Variants in MTHFD1L observed in about 807,000 individuals in gnomAD.
MTHFD1L encodes methylenetetrahydrofolate dehydrogenase (NADP+ dependent) 1 like.
MTHFD1L carries 81 observed loss-of-function variants against 119.5 expected under a neutral mutation model. The observed-to-expected ratio is 0.68, with a 90% confidence interval of 0.57 to 0.82. MTHFD1L has a LOEUF of 0.82. Ranked by LOEUF, MTHFD1L falls within the 40% of genes least tolerant of loss-of-function variation. MTHFD1L has a pLI of 0.00. For synonymous variants in MTHFD1L, 430 were observed against 475.2 expected (o/e 0.90, Z 1.24); for missense variants, 1,125 against 1,253.4 (o/e 0.90, Z 1.55).
At chr6:150,947,424 A>G (rs557720197) in intron 15 of MTHFD1L, among the ~76,000 whole-genome samples, 17 of 151,624 alleles carry the variant, frequency 1.1e-4, no homozygotes, top group Non-Finnish European at 2.5e-4. Flanking sequence ...TGTTTTATTT[A>G]CACAAAATAA....
At chr6:150,894,355 GGA>G (rs1182708272) in intron 7 of MTHFD1L, among the ~76,000 whole-genome samples, 1 of 152,174 alleles carries the variant, frequency 6.6e-6, no homozygotes, top group African/African-American at 2.4e-5. Flanking sequence ...GGTGGGGGAA[GGA>G]GAGAGTGTCT....
chr6:150,866,312 A>C, intron 1 of MTHFD1L: 1 of 1,466,222 alleles, frequency 6.8e-7, no homozygotes, highest in Non-Finnish European at 9.0e-7. Flanking sequence ...GCCTAGCGGC[A>C]TGGACCGCAC....
intron 10 of MTHFD1L, among the ~76,000 whole-genome samples, chr6:150,923,517 A>G (rs1277703684): frequency 2.3e-5 from 2 of 86,730 alleles, no homozygotes; most frequent in Non-Finnish European, 4.3e-5. Flanking sequence ...CACTTTATTT[A>G]TTTATTTATT....
chr6:150,869,909 A>G (rs901648601), intron 1 of MTHFD1L, among the ~76,000 whole-genome samples: 4 of 152,122 alleles, frequency 2.6e-5, no homozygotes, highest in Non-Finnish European at 2.9e-5. Context: ...AGCTGGGATT[A>G]CAGGCAGGCA....
intron 11 of MTHFD1L, among the ~76,000 whole-genome samples, chr6:150,929,577 TG>T: frequency 6.6e-6 from 1 of 152,356 alleles, no homozygotes; most frequent in South Asian, 2.1e-4. Flanking sequence ...TAAACAAAGC[TG>T]GGCCTCCAGC....
intron 10 of MTHFD1L, 29 bp downstream of exon 10, chr6:150,922,331 G>A (rs9478857): frequency 0.053 from 84,084 of 1,583,692 alleles, 3,053 homozygotes; most frequent in African/African-American, 0.17. Context: ...TTACACTGAT[G>A]TCAGCTCAGC....
intron 19 of MTHFD1L, among the ~76,000 whole-genome samples, chr6:150,970,523 A>G (rs1420936345): frequency 6.6e-6 from 1 of 152,154 alleles, no homozygotes; most frequent in Non-Finnish European, 1.5e-5. Flanking sequence ...TTTATATTTT[A>G]CTGTTCATAT....
At chr6:151,071,837 A>AT (rs753092094) in intron 26 of MTHFD1L, among the ~76,000 whole-genome samples, 75,943 of 107,570 alleles carry the variant, frequency 0.71, 29,747 homozygotes, top group Non-Finnish European at 0.84. Context: ...GTAAGTACAG[A>AT]TTTTTTTTTT....
chr6:150,943,839 C>T (rs1225572311), intron 13 of MTHFD1L, among the ~76,000 whole-genome samples: 2 of 152,116 alleles, frequency 1.3e-5, no homozygotes, highest in Non-Finnish European at 2.9e-5. Context: ...GTAAAATACT[C>T]TATTTCTCCA....
intron 26 of MTHFD1L, among the ~76,000 whole-genome samples, chr6:151,077,556 C>T (rs1026936450): frequency 6.6e-6 from 1 of 152,142 alleles, no homozygotes; most frequent in Non-Finnish European, 1.5e-5. Context: ...TGGCACGCAT[C>T]TGTAATCCTA....
intron 26 of MTHFD1L, among the ~76,000 whole-genome samples, chr6:151,062,888 G>A (rs1326943423): frequency 6.6e-6 from 1 of 152,074 alleles, no homozygotes. Context: ...CTGTTGTGGG[G>A]TGGGAGGAGG....
chr6:151,079,722 CAT>C (rs545428218), intron 26 of MTHFD1L, among the ~76,000 whole-genome samples: 68 of 151,724 alleles, frequency 4.5e-4, no homozygotes, highest in Non-Finnish European at 9.0e-4. Context: ...CTCCCGACCT[CAT>C]GTGATCTGCC....
chr6:150,956,738 T>C (rs1214779876), intron 17 of MTHFD1L, among the ~76,000 whole-genome samples: 1 of 152,208 alleles, frequency 6.6e-6, no homozygotes. Context: ...TAGATTTCTG[T>C]CCTTTATGTT....
chr6:151,087,889 G>A (rs548390448), intron 26 of MTHFD1L, among the ~76,000 whole-genome samples: 1 of 152,228 alleles, frequency 6.6e-6, no homozygotes, highest in African/African-American at 2.4e-5. Context: ...AGCCTTTGTA[G>A]AAGAATCCAT....
chr6:151,009,742 G>T (rs368454063), intron 20 of MTHFD1L, 77 bp from the exon 21 acceptor site: 3 of 1,512,634 alleles, frequency 2.0e-6, no homozygotes, highest in African/African-American at 2.8e-5. Flanking sequence ...CTTTGAGCTC[G>T]AATCATAGTG....
At chr6:150,883,435 C>G (rs1247730109) in intron 5 of MTHFD1L, among the ~76,000 whole-genome samples, 1 of 152,170 alleles carries the variant, frequency 6.6e-6, no homozygotes, top group Non-Finnish European at 1.5e-5. Flanking sequence ...CCATCAGATT[C>G]ATTTAATAAA....
intron 8 of MTHFD1L, among the ~76,000 whole-genome samples, chr6:150,911,238 C>T (rs1786832828): frequency 6.6e-6 from 1 of 151,974 alleles, no homozygotes; most frequent in South Asian, 2.1e-4. Flanking sequence ...TTCAGTGGTC[C>T]AAATTAAGTT....
At chr6:151,093,581 G>A (rs186047506) in intron 27 of MTHFD1L, among the ~76,000 whole-genome samples, 5 of 152,198 alleles carry the variant, frequency 3.3e-5, no homozygotes, top group African/African-American at 9.6e-5. Context: ...GCTTGAACCC[G>A]GGAGGCGGAG....
At position 151,061,341 on chromosome 6, in the gene MTHFD1L, T is replaced by C. The variant is rs143439701; in HGVS notation, c.2847+24224T>C. ...CATTGAACTATGACGACACCTGAAATATTGTCTGCAGAAGAGGCTCATTAG... is the reference window on the plus strand; with the variant it reads ...CATTGAACTATGACGACACCTGAAACATTGTCTGCAGAAGAGGCTCATTAG... On this transcript the variant is annotated intron_variant, in intron 26 of 27. Coordinates refer to ENST00000367321, the MANE Select transcript of MTHFD1L (RefSeq NM_015440.5). Among the ~76,000 whole-genome samples the C allele has an allele frequency of 8.0e-3, 1,211 of 152,228 alleles. 7 individuals are homozygous for C. Among genetic ancestry groups the C allele is most frequent in the Non-Finnish European group, 0.013 (860 of 68,008 alleles).
Sources: allele counts gnomAD v4.1 joint callset (sites outside exome capture counted in the v4.1 genomes callset), GRCh38; gene constraint gnomAD v4.1.1; transcripts MANE v1.5; gene names NCBI Gene and HGNC (gene_info 2026-07-23, HGNC 2026-07-21).